Variants in RIMS2 observed in about 807,000 individuals in gnomAD.
RIMS2 encodes regulating synaptic membrane exocytosis protein 2.
Under a neutral mutation model 174.4 loss-of-function variants are expected in RIMS2, and 59 were observed. The observed-to-expected ratio is 0.34, with a 90% confidence interval of 0.27 to 0.42. The LOEUF (loss-of-function observed/expected upper bound fraction) is 0.42. RIMS2 is among the 10% of genes least tolerant of loss of function. RIMS2 has a pLI of 1.00. For missense variants in RIMS2, 1,620 were observed against 1,666.3 expected, an observed-to-expected ratio of 0.97 and a Z score of 0.48; for synonymous variants, 606 against 572.5, an observed-to-expected ratio of 1.06 and a Z score of -0.84.
intron 19 of RIMS2, among the ~76,000 whole-genome samples, chr8:104,165,940 G>T (rs2135109560): frequency 6.6e-6 from 1 of 151,728 alleles, no homozygotes; most frequent in Non-Finnish European, 1.5e-5. Flanking sequence ...ACAAATCATA[G>T]ACCTACTCTC....
chr8:103,994,207 A>T (rs1033870877), intron 17 of RIMS2, among the ~76,000 whole-genome samples: 5 of 152,100 alleles, frequency 3.3e-5, no homozygotes, highest in African/African-American at 1.2e-4. Flanking sequence ...ACATTCGGCT[A>T]ATTTCATATA....
rs191301861 is a variant in RIMS2 at position 104,227,719 on chromosome 8, G to C, written c.3335-17197G>C. Among the ~76,000 whole-genome samples the C allele has an allele frequency of 6.0e-3, 918 of 152,116 alleles. 9 individuals are homozygous for C. Among genetic ancestry groups the C allele is most frequent in the African/African-American group, 0.021 (863 of 41,420 alleles). On this transcript the variant is annotated intron_variant, in intron 19 of 23. Coordinates refer to ENST00000504942, the Ensembl canonical transcript of RIMS2. Reference sequence around the variant, plus strand: ...CATATGTGATGAATTTGGCCTGCCTGATTTTATGATCTGCCACCTTTGTTT... The same window carrying C: ...CATATGTGATGAATTTGGCCTGCCTCATTTTATGATCTGCCACCTTTGTTT...
chr8:103,660,971 A>G (rs2096593312), intron 1 of RIMS2, among the ~76,000 whole-genome samples: 1 of 152,260 alleles, frequency 6.6e-6, no homozygotes, highest in Non-Finnish European at 1.5e-5. Flanking sequence ...GAAGCAGAAC[A>G]TTAACAGCCA....
intron 17 of RIMS2, among the ~76,000 whole-genome samples, chr8:104,001,901 G>C (rs767942835): frequency 6.6e-6 from 1 of 151,974 alleles, no homozygotes; most frequent in Non-Finnish European, 1.5e-5. Context: ...TGAGCTCTTA[G>C]TAATATCATT....
intron 3 of RIMS2, among the ~76,000 whole-genome samples, chr8:103,862,879 A>G (rs925989122): frequency 2.0e-5 from 3 of 152,048 alleles, no homozygotes; most frequent in African/African-American, 7.2e-5. Flanking sequence ...TGAGTTTTCT[A>G]TGTGTAAAAT....
chr8:103,852,405 A>G (rs1000119032), intron 3 of RIMS2, among the ~76,000 whole-genome samples: 1 of 149,154 alleles, frequency 6.7e-6, no homozygotes, highest in African/African-American at 2.5e-5. Context: ...TGTAGTTACA[A>G]AGCATTTTCT....
chr8:103,878,251 A>G (rs2099150837), intron 3 of RIMS2, among the ~76,000 whole-genome samples: 1 of 151,844 alleles, frequency 6.6e-6, no homozygotes, highest in African/African-American at 2.4e-5. Flanking sequence ...GAGTCAATTA[A>G]GCCTCTTTCC....
intron 5 of RIMS2, among the ~76,000 whole-genome samples, chr8:103,911,749 G>A (rs2075716117): frequency 1.3e-5 from 2 of 152,130 alleles, no homozygotes; most frequent in South Asian, 2.1e-4. Context: ...AGAGTTGCAT[G>A]CATTTTCAAA....
At chr8:103,886,292 C>T in intron 4 of RIMS2, 69 bp downstream of exon 7, 1 of 1,343,530 alleles carries the variant, frequency 7.4e-7, no homozygotes, top group Non-Finnish European at 1.0e-6. Flanking sequence ...GATTGCATTT[C>T]TGAGTGAAAA....
At position 104,167,134 on chromosome 8, in the gene RIMS2, C is replaced by G. The variant is rs901039551; in HGVS notation, c.3335-77782C>G. Among the ~76,000 whole-genome samples, 5 of 152,160 alleles carry G rather than the reference C, an allele frequency of 3.3e-5. No individual in the cohort carries two copies. The East Asian group carries it at 9.6e-4, about 29-fold the overall frequency. On this transcript the variant is annotated intron_variant, in intron 19 of 23. Coordinates refer to ENST00000504942, the Ensembl canonical transcript of RIMS2. Reference sequence around the variant, plus strand: ...GACTTATTTTCCTTTGGGTGGATACCCAGTAGTGGGATTGCTGGATCAAAT... The same window carrying G: ...GACTTATTTTCCTTTGGGTGGATACGCAGTAGTGGGATTGCTGGATCAAAT...
At chr8:103,786,758 G>T (rs1205406593) in intron 3 of RIMS2, among the ~76,000 whole-genome samples, 1 of 152,204 alleles carries the variant, frequency 6.6e-6, no homozygotes, top group Admixed American at 6.5e-5. Flanking sequence ...TTGATTTGGG[G>T]TGGAGAGTTC....
rs912756540 is a variant in RIMS2 at position 104,238,689 on chromosome 8, T to G, written c.3335-6227T>G. 2.0e-5 allele frequency among the ~76,000 whole-genome samples: 3 copies of G among 152,160 alleles called. No individual in the cohort carries two copies. In the South Asian group the frequency reaches 6.2e-4, roughly 31 times the overall value. On this transcript the variant is annotated intron_variant, in intron 19 of 23. Transcript: ENST00000504942. Reference sequence around the variant, plus strand: ...CTCAGGACCTCAACTTTCTCATTGCTGCAATAAGGGAGTGCATAAACTACA... The same window carrying G: ...CTCAGGACCTCAACTTTCTCATTGCGGCAATAAGGGAGTGCATAAACTACA...
chr8:103,891,453 C>G (rs1187021906), intron 4 of RIMS2, among the ~76,000 whole-genome samples: 1 of 151,920 alleles, frequency 6.6e-6, no homozygotes, highest in Non-Finnish European at 1.5e-5. Flanking sequence ...ATATTTTAAT[C>G]TTAATATTAT....
chr8:104,224,897 T>C (rs2099175970), intron 19 of RIMS2, among the ~76,000 whole-genome samples: 1 of 152,240 alleles, frequency 6.6e-6, no homozygotes, highest in Non-Finnish European at 1.5e-5. Flanking sequence ...AGGTTATTGT[T>C]GCAATATCAG....
At chr8:103,994,600 T>C (rs1374557423) in intron 17 of RIMS2, among the ~76,000 whole-genome samples, 5 of 152,100 alleles carry the variant, frequency 3.3e-5, no homozygotes, top group Non-Finnish European at 7.4e-5. Flanking sequence ...TGTAATATGT[T>C]TTAAGGTTGT....
chr8:103,801,288 G>T (rs1260050638), intron 3 of RIMS2, among the ~76,000 whole-genome samples: 2 of 152,242 alleles, frequency 1.3e-5, no homozygotes, highest in East Asian at 3.9e-4. Flanking sequence ...CACCCAGCCA[G>T]CAATGTCTTT....
intron 12 of RIMS2, among the ~76,000 whole-genome samples, chr8:103,933,143 G>T (rs2080358535): frequency 1.3e-5 from 2 of 151,934 alleles, no homozygotes; most frequent in South Asian, 2.1e-4. Flanking sequence ...AATACAAAAA[G>T]TTAGCCAGGC....
intron 1 of RIMS2, among the ~76,000 whole-genome samples, chr8:103,623,092 G>A (rs2095674067): frequency 6.6e-6 from 1 of 152,120 alleles, no homozygotes; most frequent in South Asian, 2.1e-4. Context: ...AATTTGATCT[G>A]ACATATTGAA....
At chr8:103,946,755 A>G (rs1428671587) in intron 14 of RIMS2, among the ~76,000 whole-genome samples, 1 of 152,166 alleles carries the variant, frequency 6.6e-6, no homozygotes, top group Non-Finnish European at 1.5e-5. Flanking sequence ...TGCTGAAATT[A>G]GTAAGCAGAT....
Sources: gnomAD v4.1 joint callset for allele counts (sites outside exome capture counted in the v4.1 genomes callset) on GRCh38, gnomAD v4.1.1 for gene constraint, MANE v1.5 for transcripts, NCBI Gene and HGNC (gene_info 2026-07-23, HGNC 2026-07-21) for gene names.